Variants in EPHA6 observed in about 807,000 individuals in gnomAD.
EPHA6 encodes the protein ephrin type-A receptor 6.
EPHA6 carries 50 observed loss-of-function variants against 112.0 expected under a neutral mutation model. The observed-to-expected ratio is 0.45, with a 90% confidence interval of 0.36 to 0.56. The LOEUF is 0.56. EPHA6 is among the 20% of genes least tolerant of loss of function. The pLI, the probability that EPHA6 is intolerant of heterozygous loss-of-function variation, is 0.00. For synonymous variants in EPHA6, 529 were observed against 490.7 expected (o/e 1.08, Z -1.03); for missense variants, 1,280 against 1,417.4 (o/e 0.90, Z 1.56).
rs1447004077 is a variant in EPHA6 at position 96,987,403 on chromosome 3, C to T, written c.524C>T (p.Pro175Leu). ...HTYQVCNVME[P>L]NQNNWLRTNW... is the part of the protein sequence containing the mutation. ...TACCAGGTATGTAATGTAATGGAACCAAACCAAAACAACTGGCTTCGTACA... is the reference window on the plus strand; with the variant it reads ...TACCAGGTATGTAATGTAATGGAACTAAACCAAAACAACTGGCTTCGTACA... Residue 175 changes from proline to leucine, a missense_variant, in exon 3 of 18, where the codon CCA becomes CTA. Pro to Leu is a moderately conservative substitution (Grantham distance 98). This residue lies in a region of EPHA6 where 878 missense variants were observed against 999.7 expected (regional missense o/e 0.88). Coordinates refer to ENST00000389672, the MANE Select transcript of EPHA6 (RefSeq NM_001080448.3). 1.2e-6 allele frequency: 2 copies of T among 1,613,726 alleles called. No homozygotes were observed. Among genetic ancestry groups the T allele is most frequent in the Non-Finnish European group, 8.5e-7 (1 of 1,179,824 alleles).
chr3:97,050,456 A>G (rs1243957958), intron 3 of EPHA6, among the ~76,000 whole-genome samples: 1 of 152,210 alleles, frequency 6.6e-6, no homozygotes, highest in Non-Finnish European at 1.5e-5. Context: ...CCAGTAAGTA[A>G]GCTTAGAAGA....
In EPHA6 at chr3:97,109,782, C is replaced by T. The variant is rs189043830; in HGVS notation, c.1115-116482C>T. Among the ~76,000 whole-genome samples, 108 of 152,212 alleles carry T rather than the reference C, an allele frequency of 7.1e-4. 1 individual carries two copies. The highest frequency in any genetic ancestry group is 6.7e-3 in the Admixed American group (102 of 15,272). On this transcript the variant is annotated intron_variant, in intron 3 of 17. Coordinates refer to ENST00000389672, the MANE Select transcript of EPHA6 (RefSeq NM_001080448.3). ...CAGCAGTAAACAAGATGGACAGAGGCTCCTGACCTTATGAAGATATGGCCT... is the reference window on the plus strand; with the variant it reads ...CAGCAGTAAACAAGATGGACAGAGGTTCCTGACCTTATGAAGATATGGCCT...
chr3:97,438,569 G>A (rs889389085), intron 6 of EPHA6, among the ~76,000 whole-genome samples: 3 of 152,008 alleles, frequency 2.0e-5, no homozygotes, highest in African/African-American at 7.3e-5. Context: ...CAATCATTTG[G>A]ACAATATATC....
chr3:96,985,391 T>A (rs1026655890), intron 2 of EPHA6, among the ~76,000 whole-genome samples: 1 of 152,188 alleles, frequency 6.6e-6, no homozygotes, highest in African/African-American at 2.4e-5. Flanking sequence ...ACATTGATTT[T>A]GACAGTTTAA....
At chr3:97,489,708 CAAAACTT>C (rs937593626) in intron 10 of EPHA6, among the ~76,000 whole-genome samples, 1 of 150,250 alleles carries the variant, frequency 6.7e-6, no homozygotes, top group African/African-American at 2.4e-5. Flanking sequence ...AAAAGAAACT[CAAAACTT>C]ATTTTTTTAT....
intron 5 of EPHA6, among the ~76,000 whole-genome samples, chr3:97,307,273 T>A (rs561116656): frequency 2.0e-5 from 3 of 151,776 alleles, no homozygotes; most frequent in Middle Eastern, 3.2e-3. Context: ...AAGGTCTCAA[T>A]TGATGAAATT....
intron 5 of EPHA6, among the ~76,000 whole-genome samples, chr3:97,258,561 G>T (rs2079392896): frequency 6.6e-6 from 1 of 152,046 alleles, no homozygotes; most frequent in Admixed American, 6.6e-5. Context: ...TTCATATACT[G>T]TGTACATAGT....
intron 2 of EPHA6, among the ~76,000 whole-genome samples, chr3:96,980,856 G>T (rs1447495702): frequency 2.0e-5 from 3 of 152,076 alleles, no homozygotes; most frequent in South Asian, 2.1e-4. Flanking sequence ...GTGTTTTTCT[G>T]TTATTGGTGT....
intron 14 of EPHA6, among the ~76,000 whole-genome samples, chr3:97,650,315 G>A (rs947160451): frequency 2.0e-5 from 3 of 152,070 alleles, no homozygotes; most frequent in African/African-American, 7.2e-5. Context: ...ATACTGCTTA[G>A]GTGAACTGAC....
chr3:97,221,381 A>G (rs993987862), intron 3 of EPHA6, among the ~76,000 whole-genome samples: 2 of 151,638 alleles, frequency 1.3e-5, no homozygotes, highest in African/African-American at 4.8e-5. Flanking sequence ...TTTCTAAAGG[A>G]AAAAATAATA....
At chr3:97,742,827 A>G (rs1477197544) in intron 16 of EPHA6, among the ~76,000 whole-genome samples, 4 of 152,154 alleles carry the variant, frequency 2.6e-5, no homozygotes, top group Non-Finnish European at 5.9e-5. Flanking sequence ...CTTTTTAAAA[A>G]TATATGATTA....
chr3:97,424,877 C>T (rs1298239656), intron 6 of EPHA6, among the ~76,000 whole-genome samples: 1 of 148,008 alleles, frequency 6.8e-6, no homozygotes, highest in African/African-American at 2.5e-5. Flanking sequence ...TGGGTAAATA[C>T]ACCTGTTCCA....
chr3:96,864,899 G>A (rs1382082694), intron 1 of EPHA6, among the ~76,000 whole-genome samples: 1 of 152,020 alleles, frequency 6.6e-6, no homozygotes, highest in Non-Finnish European at 1.5e-5. Context: ...GATATTGTAA[G>A]TATATTAAAA....
intron 13 of EPHA6, among the ~76,000 whole-genome samples, chr3:97,635,817 T>C (rs1385688924): frequency 6.6e-6 from 1 of 152,074 alleles, no homozygotes; most frequent in African/African-American, 2.4e-5. Context: ...TATATTTCAA[T>C]AAAAGTATTA....
chr3:97,213,450 A>G (rs1351804904), intron 3 of EPHA6, among the ~76,000 whole-genome samples: 1 of 152,012 alleles, frequency 6.6e-6, no homozygotes. Context: ...GGCAAGAGTT[A>G]AGCAAGAAAA....
At chr3:97,595,470 G>T (rs969328274) in intron 12 of EPHA6, among the ~76,000 whole-genome samples, 4 of 151,810 alleles carry the variant, frequency 2.6e-5, no homozygotes, top group Non-Finnish European at 5.9e-5. Context: ...ATGGTGAGTC[G>T]CCATCTCTAC....
At chr3:96,904,652 A>G (rs542112129) in intron 2 of EPHA6, among the ~76,000 whole-genome samples, 5 of 152,128 alleles carry the variant, frequency 3.3e-5, no homozygotes, top group East Asian at 1.9e-4. Flanking sequence ...GTTGAAGTTT[A>G]TTTTATTGAA....
At chr3:96,931,930 C>T (rs2040347290) in intron 2 of EPHA6, among the ~76,000 whole-genome samples, 1 of 152,150 alleles carries the variant, frequency 6.6e-6, no homozygotes, top group Admixed American at 6.5e-5. Context: ...TGTGCCTGAG[C>T]AGCTGCTCTG....
rs577100392 is a variant in EPHA6, at chr3:97,111,522, G to T, written c.1115-114742G>T. Among the ~76,000 whole-genome samples, 3 of 152,030 alleles carry T rather than the reference G, an allele frequency of 2.0e-5. No homozygotes were observed. In the South Asian group the frequency reaches 6.2e-4, roughly 32 times the overall value. ...TGGAAGGAAGGAAAAACAGCTTCTG[G>T]GTGGGCAGGTCACCATCATTTAAAT... On this transcript the variant is annotated intron_variant, in intron 3 of 17. Transcript: ENST00000389672.
Sources: gnomAD v4.1 joint callset for allele counts (sites outside exome capture counted in the v4.1 genomes callset) on GRCh38, gnomAD v4.1.1 for gene constraint, gnomAD v4.1.1 regional missense constraint, MANE v1.5 for transcripts, NCBI Gene and HGNC (gene_info 2026-07-23, HGNC 2026-07-21) for gene names.